PARVB: variants seen among roughly 807,000 people sequenced by gnomAD.
The protein encoded by PARVB is beta-parvin.
PARVB carries 46 observed loss-of-function variants against 47.0 expected under a neutral mutation model. The observed-to-expected ratio is 0.98, with a 90% CI of 0.77 to 1.25. The LOEUF (loss-of-function observed/expected upper bound fraction) is 1.25, where lower values mean the gene tolerates loss of function less well. Ranked by LOEUF, PARVB falls within the 50% of genes most tolerant of loss-of-function variation. The pLI is 0.00. For synonymous variants in PARVB, 196 were observed against 196.3 expected (o/e 1.00, Z 0.01); for missense variants, 473 against 471.6 (o/e 1.00, Z -0.03).
intron 11 of PARVB, among the ~76,000 whole-genome samples, chr22:44,162,572 C>T (rs752202707): frequency 2.2e-4 from 33 of 152,222 alleles, no homozygotes; most frequent in Non-Finnish European, 3.8e-4. Flanking sequence ...CCACCTGCCT[C>T]GGCCTCACAA....
At chr22:44,040,652 T>G (rs1192428725) in intron 1 of PARVB, among the ~76,000 whole-genome samples, 1 of 152,226 alleles carries the variant, frequency 6.6e-6, no homozygotes, top group Non-Finnish European at 1.5e-5. Flanking sequence ...GCAGCCCTGC[T>G]GACACCTTGA....
At chr22:44,021,769 A>T (rs2050652185), upstream of PARVB, among the ~76,000 whole-genome samples, 3 of 71,938 alleles carry the variant, frequency 4.2e-5, no homozygotes, top group East Asian at 9.3e-4. Flanking sequence ...TCACACACAC[A>T]CACACACACA....
At chr22:44,057,562 GGA>G (rs2051338637) in intron 1 of PARVB, among the ~76,000 whole-genome samples, 1 of 152,096 alleles carries the variant, frequency 6.6e-6, no homozygotes, top group Non-Finnish European at 1.5e-5. Context: ...CACTCTGGGT[GGA>G]CTGGGTCTCG....
At position 44,131,628 on chromosome 22, in the gene PARVB, G is replaced by A. The variant is rs200718305; in HGVS notation, c.517+1G>A. The A allele has an allele frequency of 2.5e-6, 4 of 1,608,948 alleles. No individual in the cohort carries two copies. The highest frequency in any genetic ancestry group is 2.7e-5 in the African/African-American group (2 of 74,840). On this transcript the variant is annotated splice_donor_variant, in intron 5 of 12. Transcript: ENST00000338758. LOFTEE classifies it high-confidence loss of function. ...TGGGCGCTCCGGTGGAGCGTGGACT[G>A]TGAGTTCCACGCCACAGGGGGAGGG... is the stretch of plus-strand genomic sequence containing the variant.
At chr22:44,060,549 A>G (rs561557770) in intron 1 of PARVB, among the ~76,000 whole-genome samples, 1 of 152,134 alleles carries the variant, frequency 6.6e-6, no homozygotes, top group African/African-American at 2.4e-5. Flanking sequence ...GCTTAGGGTG[A>G]GTTATACCTG....
Position 44,151,512 on chromosome 22 carries a change from G to A in PARVB, c.804G>A (p.Leu268=). The change falls in exon 10 of 13, where the codon CTG becomes CTA. Residue 268 remains leucine (L), a synonymous_variant. Coordinates refer to ENST00000338758, the MANE Select transcript of PARVB (RefSeq NM_013327.5). ...TCATCACTTTTGTGAACAAGCACCT[G>A]AACAAGCTGAATTTGGAGGTGACGG... ...KSLITFVNKH[L]NKLNLEVTEL... 6.2e-7 allele frequency: 1 copy of A among 1,613,986 alleles called. No homozygotes were observed. Among genetic ancestry groups the A allele is most frequent in the Non-Finnish European group, 8.5e-7 (1 of 1,179,874 alleles).
intron 2 of PARVB, among the ~76,000 whole-genome samples, chr22:44,095,816 T>C (rs1171081610): frequency 6.6e-6 from 1 of 152,134 alleles, no homozygotes. Flanking sequence ...AGCAAGAGCT[T>C]ATGGAGAAGA....
At chr22:44,062,242 G>A (rs1285365025) in intron 1 of PARVB, among the ~76,000 whole-genome samples, 1 of 152,114 alleles carries the variant, frequency 6.6e-6, no homozygotes, top group Non-Finnish European at 1.5e-5. Context: ...CCTGGAGAGA[G>A]CCTCAGACCC....
chr22:44,076,865 T>A (rs2051785952), intron 1 of PARVB, among the ~76,000 whole-genome samples: 1 of 151,940 alleles, frequency 6.6e-6, no homozygotes, highest in Admixed American at 6.6e-5. Flanking sequence ...CTGTGCCCCC[T>A]CCCCAGCCCT....
At chr22:44,021,314 C>T (rs909510548), upstream of PARVB, among the ~76,000 whole-genome samples, 2 of 152,164 alleles carry the variant, frequency 1.3e-5, no homozygotes, top group African/African-American at 4.8e-5. Context: ...GAGAATTTCT[C>T]CACGGCCAGC....
chr22:44,033,924 A>G (rs1054058513), intron 1 of PARVB, among the ~76,000 whole-genome samples: 3 of 151,490 alleles, frequency 2.0e-5, no homozygotes, highest in Non-Finnish European at 4.4e-5. Context: ...GTTACTCCAG[A>G]CTCCAGGGAA....
chr22:44,167,174 G>A (rs934225763), intron 12 of PARVB, among the ~76,000 whole-genome samples: 1 of 152,218 alleles, frequency 6.6e-6, no homozygotes, highest in Non-Finnish European at 1.5e-5. Flanking sequence ...TGGGGTCCCC[G>A]ACCCTGCTCT....
At chr22:44,120,040 T>G (rs1270107303) in intron 4 of PARVB, 11 of 363,800 alleles carry the variant, frequency 3.0e-5, no homozygotes, top group South Asian at 2.0e-4. Flanking sequence ...GGGGCAGTAC[T>G]GCCATCGCCT....
chr22:44,166,531 C>T (rs192835214), intron 12 of PARVB, among the ~76,000 whole-genome samples: 17 of 152,346 alleles, frequency 1.1e-4, no homozygotes, highest in Non-Finnish European at 1.6e-4. Flanking sequence ...ACTCATCTGC[C>T]GCTGGACGGC....
intron 1 of PARVB, among the ~76,000 whole-genome samples, chr22:44,093,219 G>A (rs1026820410): frequency 1.3e-5 from 2 of 152,334 alleles, no homozygotes; most frequent in East Asian, 3.9e-4. Flanking sequence ...TGGCTGAAAG[G>A]CCTGCAGGGT....
chr22:44,040,650 G>A (rs1328796809), intron 1 of PARVB, among the ~76,000 whole-genome samples: 1 of 152,210 alleles, frequency 6.6e-6, no homozygotes, highest in Non-Finnish European at 1.5e-5. Context: ...ATGCAGCCCT[G>A]CTGACACCTT....
intron 1 of PARVB, among the ~76,000 whole-genome samples, chr22:44,046,834 G>A (rs1265814198): frequency 6.6e-6 from 1 of 152,220 alleles, no homozygotes; most frequent in Non-Finnish European, 1.5e-5. Flanking sequence ...TGAGGCCAGA[G>A]TCTGCTGACT....
chr22:43,999,511 A>G (rs1484404632), intron 1 of PARVB: 1 of 1,563,424 alleles, frequency 6.4e-7, no homozygotes, highest in African/African-American at 1.4e-5. Context: ...CGACAAACAA[A>G]AAATGTTCAT....
chr22:44,118,772 G>A (rs2052971873), intron 3 of PARVB, among the ~76,000 whole-genome samples: 1 of 152,040 alleles, frequency 6.6e-6, no homozygotes, highest in South Asian at 2.1e-4. Context: ...TGGCCACAGA[G>A]CTGTACAGCC....
Sources: allele counts gnomAD v4.1 joint callset (sites outside exome capture counted in the v4.1 genomes callset), GRCh38; gene constraint gnomAD v4.1.1; transcripts MANE v1.5; gene names NCBI Gene and HGNC (gene_info 2026-07-23, HGNC 2026-07-21).